ARHGEF12: variants seen among roughly 807,000 people sequenced by gnomAD.
ARHGEF12 encodes the protein Rho guanine nucleotide exchange factor 12, also known as KMT2A/ARHGEF12 fusion protein.
ARHGEF12 carries 66 observed loss-of-function variants against 211.2 expected under a neutral mutation model. The ratio of observed to expected loss-of-function variants is 0.31; its 90% confidence interval spans 0.26 to 0.38. The LOEUF (loss-of-function observed/expected upper bound fraction) is 0.38, where lower values mean the gene tolerates loss of function less well. Ranked by LOEUF, ARHGEF12 falls within the 10% of genes least tolerant of loss-of-function variation. The pLI, the probability that ARHGEF12 is intolerant of heterozygous loss-of-function variation, is 1.00. For missense variants in ARHGEF12, 1,429 were observed against 1,869.5 expected (o/e 0.76, Z 4.34); for synonymous variants, 592 against 638.4 (o/e 0.93, Z 1.09).
At chr11:120,482,598 A>G (rs887131931) in intron 39 of ARHGEF12, among the ~76,000 whole-genome samples, 48 of 152,220 alleles carry the variant, frequency 3.2e-4, no homozygotes, top group African/African-American at 1.0e-3. Flanking sequence ...AAAAAAAATC[A>G]GCCAGGTGTG....
chr11:120,358,012 T>G (rs536898400), intron 1 of ARHGEF12, among the ~76,000 whole-genome samples: 1 of 152,180 alleles, frequency 6.6e-6, no homozygotes, highest in South Asian at 2.1e-4. Context: ...TGGTACCAGA[T>G]TATGGAAGGC....
At chr11:120,469,519 G>A in intron 30 of ARHGEF12, 131 bp downstream of exon 30, 8 of 754,530 alleles carry the variant, frequency 1.1e-5, no homozygotes, top group East Asian at 2.7e-5. Flanking sequence ...TTTACTGTTC[G>A]CATAGTAGGC....
At chr11:120,341,966 A>G (rs528586743) in intron 1 of ARHGEF12, among the ~76,000 whole-genome samples, 5 of 152,334 alleles carry the variant, frequency 3.3e-5, no homozygotes, top group African/African-American at 9.6e-5. Context: ...AACATTTACA[A>G]TATTTTCAGT....
At chr11:120,469,479 TCA>T in intron 30 of ARHGEF12, 91 bp downstream of exon 30, 2 of 1,051,010 alleles carry the variant, frequency 1.9e-6, no homozygotes, top group South Asian at 1.7e-5. Flanking sequence ...GTTAAAACTA[TCA>T]TTACCTAATG....
At chr11:120,436,419 C>T (rs545446723) in intron 11 of ARHGEF12, among the ~76,000 whole-genome samples, 28 of 152,232 alleles carry the variant, frequency 1.8e-4, no homozygotes, top group African/African-American at 6.3e-4. Flanking sequence ...TATTGGCACT[C>T]GTTAGGTCTC....
intron 1 of ARHGEF12, among the ~76,000 whole-genome samples, chr11:120,340,507 G>T (rs1241637185): frequency 3.3e-5 from 5 of 152,056 alleles, no homozygotes; most frequent in African/African-American, 1.2e-4. Context: ...TTTAAAGTGA[G>T]TGTGGAAACC....
chr11:120,451,255 T>G, intron 21 of ARHGEF12: 1 of 326,746 alleles, frequency 3.1e-6, no homozygotes, highest in Non-Finnish European at 5.8e-6. Context: ...TTCGGCTCAC[T>G]GCAACCTCCG....
chr11:120,437,371 A>G lies in ARHGEF12; in HGVS notation c.988A>G (p.Ile330Val). 1.2e-6 allele frequency: 2 copies of G among 1,612,498 alleles called. No individual in the cohort carries two copies. Among genetic ancestry groups the G allele is most frequent in the East Asian group, 2.2e-5 (1 of 44,744 alleles). ...LEENPEKSET[I>V]QDTDTQSLVG... ...GGAAAACCCAGAGAAAAGTGAAACA[A>G]TTCAGGACACTGTGAGTATGAAATC... Residue 330 changes from isoleucine to valine, a missense_variant, in exon 12 of 41, where the codon ATT (isoleucine) becomes GTT (valine). By Grantham distance (29) the Ile-to-Val change is conservative (BLOSUM62 3). Around this residue, in one of 7 missense-constraint regions of ARHGEF12, gnomAD observed 254 missense variants for 286.4 expected, o/e 0.89. Coordinates refer to ENST00000397843, the MANE Select transcript of ARHGEF12 (RefSeq NM_015313.3).
chr11:120,460,332 G>T (rs928134885), intron 26 of ARHGEF12, among the ~76,000 whole-genome samples: 2 of 152,146 alleles, frequency 1.3e-5, no homozygotes, highest in African/African-American at 4.8e-5. Context: ...ATTTTGAGAG[G>T]ATCAGTGAAC....
chr11:120,337,907 A>T lies in ARHGEF12; in HGVS notation c.32+632A>T, dbSNP rs572880137. 6.8e-5 allele frequency: 67 copies of T among 985,362 alleles called. 1 individual carries two copies. In the South Asian group the frequency reaches 1.3e-3, roughly 19 times the overall value. The allele number at this position is 985,362 out of a possible 1,614,324, so 61.0% of individuals were successfully genotyped here. ...GTTTGCTTTTAATTCTTGTATTTAA[A>T]TATTTCGTCTTCCAGAAACACTTGG... On this transcript the variant is annotated intron_variant, in intron 1 of 40. Transcript: ENST00000397843.
Position 120,488,884 on chromosome 11 carries a change from G to A in ARHGEF12, c.*3807G>A, listed in dbSNP as rs893818103. The A allele has an allele frequency of 1.4e-5, 3 of 214,898 alleles. No homozygotes were observed. The highest frequency in any genetic ancestry group is 2.8e-5 in the Non-Finnish European group (3 of 106,378). The allele number at this position is 214,898 out of a possible 1,614,324, so 13.3% of individuals were successfully genotyped here. A position where few individuals can be genotyped will look rare whatever the true frequency, so the allele number is the denominator to read the frequency against. Reference sequence around the variant, plus strand: ...ACTTTATTGTTCTAATTATCCAGATGTACCTTTGTAAAATAGCTCTTTTAT... The same window carrying A: ...ACTTTATTGTTCTAATTATCCAGATATACCTTTGTAAAATAGCTCTTTTAT... On this transcript the variant is annotated 3_prime_UTR_variant, in exon 41 of 41. Coordinates refer to ENST00000397843, the MANE Select transcript of ARHGEF12 (RefSeq NM_015313.3).
intron 36 of ARHGEF12, 87 bp from the exon 37 acceptor site, chr11:120,478,069 T>G (rs1388315702): frequency 3.4e-6 from 3 of 873,558 alleles, no homozygotes; most frequent in Non-Finnish European, 5.2e-6. Flanking sequence ...ATTGTTTTTT[T>G]TTTTTCTGAT....
intron 4 of ARHGEF12, among the ~76,000 whole-genome samples, chr11:120,417,305 GA>G (rs992231447): frequency 2.6e-5 from 4 of 152,094 alleles, no homozygotes; most frequent in African/African-American, 9.7e-5. Flanking sequence ...CAGCTTTTGT[GA>G]GGTGAGGTGG....
rs1023240310 is a variant in ARHGEF12 at position 120,465,229 on chromosome 11, T to C, written c.2614-8T>C. ...TTCTCTTTTGTGTTCTTTGCATTCT[T>C]GGCACAGTTCAGCGGACCAGGAGAG... On this transcript the variant is annotated splice_polypyrimidine_tract_variant and splice_region_variant and intron_variant, in intron 27 of 40. Coordinates refer to ENST00000397843, the MANE Select transcript of ARHGEF12 (RefSeq NM_015313.3). The C allele has an allele frequency of 6.2e-7, 1 of 1,613,952 alleles. No individual in the cohort carries two copies. The highest frequency in any genetic ancestry group is 8.5e-7 in the Non-Finnish European group (1 of 1,179,998).
chr11:120,478,720 A>G (rs1947139448), intron 37 of ARHGEF12, among the ~76,000 whole-genome samples: 1 of 152,256 alleles, frequency 6.6e-6, no homozygotes, highest in Admixed American at 6.5e-5. Flanking sequence ...AAGGTATGAA[A>G]AAAGATTAAT....
chr11:120,388,882 G>A (rs1233410702), intron 1 of ARHGEF12, among the ~76,000 whole-genome samples: 4 of 151,066 alleles, frequency 2.6e-5, no homozygotes, highest in Non-Finnish European at 4.4e-5. Flanking sequence ...TTTATTTTGC[G>A]ACAGAGTTTT....
At chr11:120,479,912 T>C (rs772083301) in intron 37 of ARHGEF12, 48 bp from the exon 38 acceptor site, 1 of 1,507,482 alleles carries the variant, frequency 6.6e-7, no homozygotes, top group Admixed American at 1.8e-5. Context: ...AGCCTGAGGT[T>C]ATAGTTGTGA....
At chr11:120,461,152 G>A (rs1946516536) in intron 27 of ARHGEF12, among the ~76,000 whole-genome samples, 1 of 152,140 alleles carries the variant, frequency 6.6e-6, no homozygotes, top group South Asian at 2.1e-4. Context: ...GTTCTTAATG[G>A]CATCTAGAAT....
At position 120,440,017 on chromosome 11, in the gene ARHGEF12, A is replaced by G. The variant is rs149178508; in HGVS notation, c.1000-112A>G. 93 of 775,208 alleles carry G rather than the reference A, an allele frequency of 1.2e-4. No homozygotes were observed. In the African/African-American group the frequency reaches 1.4e-3, roughly 12 times the overall value. The allele number at this position is 775,208 out of a possible 1,614,324, so 48.0% of individuals were successfully genotyped here. A position where few individuals can be genotyped will look rare whatever the true frequency, so the allele number is the denominator to read the frequency against. Reference sequence around the variant, plus strand: ...AAGTACTTCAAAGGAAATAAACAAAAAGAAATCTCACCATTTAAGTGAACC... The same window carrying G: ...AAGTACTTCAAAGGAAATAAACAAAGAGAAATCTCACCATTTAAGTGAACC... On this transcript the variant is annotated intron_variant, in intron 12 of 40. Coordinates refer to ENST00000397843, the MANE Select transcript of ARHGEF12 (RefSeq NM_015313.3).
Sources: gnomAD v4.1 joint callset for allele counts (sites outside exome capture counted in the v4.1 genomes callset) on GRCh38, gnomAD v4.1.1 for gene constraint, gnomAD v4.1.1 regional missense constraint, MANE v1.5 for transcripts, NCBI Gene and HGNC (gene_info 2026-07-23, HGNC 2026-07-21) for gene names.